Variants in CNTNAP5 observed in about 807,000 individuals in gnomAD.
The protein encoded by CNTNAP5 is contactin-associated protein-like 5.
A neutral mutation model predicts 150.2 loss-of-function variants in CNTNAP5; 72 were observed. The ratio of observed to expected loss-of-function variants is 0.48; its 90% confidence interval spans 0.40 to 0.58. The LOEUF is 0.58. Among genes scored for constraint, CNTNAP5 ranks in the 20% least tolerant of loss-of-function variants. CNTNAP5 has a pLI of 0.00. For synonymous variants in CNTNAP5, 672 were observed against 619.8 expected (o/e 1.08, Z -1.25); for missense variants, 1,636 against 1,626.2 (o/e 1.01, Z -0.10).
intron 6 of CNTNAP5, among the ~76,000 whole-genome samples, chr2:124,455,406 C>A (rs747480737): frequency 9.2e-5 from 14 of 151,834 alleles, no homozygotes; most frequent in African/African-American, 3.4e-4. Context: ...AAATAGTAAT[C>A]AAAAAATTAC....
At chr2:124,229,413 C>T (rs1362738989) in intron 2 of CNTNAP5, among the ~76,000 whole-genome samples, 1 of 152,032 alleles carries the variant, frequency 6.6e-6, no homozygotes, top group African/African-American at 2.4e-5. Context: ...GCTATCTCAT[C>T]GATAGAAGGG....
chr2:124,784,917 G>C (rs1367770628), intron 17 of CNTNAP5, among the ~76,000 whole-genome samples: 1 of 151,542 alleles, frequency 6.6e-6, no homozygotes, highest in Admixed American at 6.6e-5. Flanking sequence ...CTTTCCCATT[G>C]ACAATTTAAT....
At chr2:124,102,833 G>A (rs903731591) in intron 1 of CNTNAP5, among the ~76,000 whole-genome samples, 2 of 152,150 alleles carry the variant, frequency 1.3e-5, no homozygotes, top group African/African-American at 4.8e-5. Context: ...ATCAGGTAAA[G>A]CACTTAAGAC....
intron 1 of CNTNAP5, among the ~76,000 whole-genome samples, chr2:124,173,203 C>T (rs887814557): frequency 6.6e-6 from 1 of 152,162 alleles, no homozygotes; most frequent in African/African-American, 2.4e-5. Flanking sequence ...ACTCCCTCTC[C>T]TTGGGCCTCC....
intron 8 of CNTNAP5, among the ~76,000 whole-genome samples, chr2:124,523,356 GGC>G (rs1694892313): frequency 1.3e-5 from 2 of 152,144 alleles, no homozygotes; most frequent in African/African-American, 2.4e-5. Context: ...AGAATTGTGT[GGC>G]TGTGTGCTCT....
chr2:124,352,770 A>G (rs1689904656), intron 3 of CNTNAP5, among the ~76,000 whole-genome samples: 1 of 152,170 alleles, frequency 6.6e-6, no homozygotes, highest in Admixed American at 6.5e-5. Context: ...TGCTCATGAG[A>G]CAGGTAAAAA....
At chr2:124,433,154 G>A (rs1046287494) in intron 4 of CNTNAP5, among the ~76,000 whole-genome samples, 1 of 152,178 alleles carries the variant, frequency 6.6e-6, no homozygotes, top group Non-Finnish European at 1.5e-5. Flanking sequence ...AGTGGTGGCA[G>A]CTGTTGGTCT....
chr2:124,703,373 A>G (rs1679567013), intron 13 of CNTNAP5, among the ~76,000 whole-genome samples: 2 of 152,096 alleles, frequency 1.3e-5, no homozygotes, highest in South Asian at 4.1e-4. Context: ...TTATTGGCTA[A>G]TATCTTCATG....
At chr2:124,103,736 A>G (rs1683112545) in intron 1 of CNTNAP5, among the ~76,000 whole-genome samples, 1 of 151,542 alleles carries the variant, frequency 6.6e-6, no homozygotes, top group African/African-American at 2.4e-5. Flanking sequence ...AAAATCACCT[A>G]ATGTCACACT....
rs1678839798 is a variant in CNTNAP5, at chr2:124,919,859, A to G, written c.*5571A>G. On this transcript the variant is annotated 3_prime_UTR_variant, in exon 24 of 24. Coordinates refer to ENST00000682447, the MANE Select transcript of CNTNAP5 (RefSeq NM_001367498.1). ...TAAGCACCCAGATGCAACTTTCAGG[A>G]AATGAAACTGTCAGAAAACTGCCCT... 6.6e-6 allele frequency among the ~76,000 whole-genome samples: 1 copy of G among 152,000 alleles called. No homozygotes were observed. The highest frequency in any genetic ancestry group is 2.1e-4 in the South Asian group (1 of 4,824).
intron 12 of CNTNAP5, among the ~76,000 whole-genome samples, chr2:124,635,880 A>C (rs116486217): frequency 6.6e-6 from 1 of 152,138 alleles, no homozygotes; most frequent in South Asian, 2.1e-4. Flanking sequence ...CTCAGTGTGC[A>C]TGTGTTTGAG....
chr2:124,077,365 C>T (rs1295634871), intron 1 of CNTNAP5, among the ~76,000 whole-genome samples: 7 of 152,150 alleles, frequency 4.6e-5, no homozygotes, highest in Non-Finnish European at 7.4e-5. Context: ...GGTCATTCTC[C>T]TAAACTAAGC....
intron 7 of CNTNAP5, among the ~76,000 whole-genome samples, chr2:124,497,878 T>C (rs1351577699): frequency 6.6e-6 from 1 of 152,216 alleles, no homozygotes; most frequent in Admixed American, 6.5e-5. Context: ...TCTGAAGTTC[T>C]TCGTCTGTGT....
chr2:124,679,588 C>T (rs1432763480), intron 13 of CNTNAP5, among the ~76,000 whole-genome samples: 1 of 149,794 alleles, frequency 6.7e-6, no homozygotes, highest in African/African-American at 2.5e-5. Context: ...TTTTTTGGAG[C>T]GGGGAGTGGG....
chr2:124,576,054 T>G (rs1696275434), intron 11 of CNTNAP5, among the ~76,000 whole-genome samples: 1 of 152,176 alleles, frequency 6.6e-6, no homozygotes, highest in Non-Finnish European at 1.5e-5. Flanking sequence ...GCTCTCAAAC[T>G]AGCTTGTAAA....
chr2:124,161,269 G>A (rs999178309), intron 1 of CNTNAP5, among the ~76,000 whole-genome samples: 1 of 152,186 alleles, frequency 6.6e-6, no homozygotes, highest in African/African-American at 2.4e-5. Flanking sequence ...AATGAGTGGA[G>A]CTGAGACGAA....
chr2:124,432,419 A>G (rs914609252), intron 4 of CNTNAP5, among the ~76,000 whole-genome samples: 4 of 152,002 alleles, frequency 2.6e-5, no homozygotes, highest in African/African-American at 7.3e-5. Context: ...ACTCCTACAT[A>G]TTGTTAAAGG....
At chr2:124,368,507 GACAA>G (rs1354635575) in intron 3 of CNTNAP5, among the ~76,000 whole-genome samples, 3 of 152,140 alleles carry the variant, frequency 2.0e-5, no homozygotes, top group African/African-American at 7.2e-5. Flanking sequence ...ACTTCACATG[GACAA>G]ACTCATGAAA....
chr2:124,292,725 A>C (rs1312623744), intron 3 of CNTNAP5, among the ~76,000 whole-genome samples: 1 of 152,108 alleles, frequency 6.6e-6, no homozygotes, highest in African/African-American at 2.4e-5. Context: ...GAAATATGTT[A>C]AAAACCTTAT....
Sources: gnomAD v4.1 joint callset for allele counts (sites outside exome capture counted in the v4.1 genomes callset) on GRCh38, gnomAD v4.1.1 for gene constraint, MANE v1.5 for transcripts, NCBI Gene and HGNC (gene_info 2026-07-23, HGNC 2026-07-21) for gene names.